BMPR1A: variants seen among roughly 807,000 people sequenced by gnomAD.
BMPR1A encodes bone morphogenetic protein receptor type-1A.
Under a neutral mutation model 66.0 loss-of-function variants are expected in BMPR1A, and 7 were observed. The ratio of observed to expected loss-of-function variants is 0.11; its 90% confidence interval spans 0.06 to 0.20. The LOEUF is 0.20. Ranked by LOEUF, BMPR1A falls within the 10% of genes least tolerant of loss-of-function variation. The pLI, the probability that BMPR1A is intolerant of heterozygous loss-of-function variation, is 1.00. For synonymous variants in BMPR1A, 200 were observed against 229.7 expected, an observed-to-expected ratio of 0.87 and a Z score of 1.17; for missense variants, 408 against 669.1, an observed-to-expected ratio of 0.61 and a Z score of 4.31.
intron 2 of BMPR1A, among the ~76,000 whole-genome samples, chr10:86,874,491 C>T (rs1464715788): frequency 2.0e-5 from 3 of 152,180 alleles, no homozygotes; most frequent in Non-Finnish European, 2.9e-5. Context: ...CTGCAAGCTT[C>T]GCTTACTGGG....
chr10:86,782,587 C>T (rs2132718181), intron 1 of BMPR1A, among the ~76,000 whole-genome samples: 1 of 151,896 alleles, frequency 6.6e-6, no homozygotes, highest in Admixed American at 6.6e-5. Flanking sequence ...GTGAGTTTTG[C>T]CGATGATTAG....
At chr10:86,881,322 G>C (rs1320664967) in intron 3 of BMPR1A, among the ~76,000 whole-genome samples, 1 of 152,140 alleles carries the variant, frequency 6.6e-6, no homozygotes, top group Non-Finnish European at 1.5e-5. Context: ...TAAATAGAGG[G>C]AGAAATCAAA....
intron 1 of BMPR1A, among the ~76,000 whole-genome samples, chr10:86,792,063 CTTTTTTT>C (rs35251758): frequency 1.2e-5 from 1 of 83,602 alleles, no homozygotes; most frequent in Non-Finnish European, 2.3e-5. Context: ...ACTGTCAGAT[CTTTTTTT>C]TTTTTTTTTT....
At chr10:86,916,913 A>C (rs1168975139) in intron 8 of BMPR1A, among the ~76,000 whole-genome samples, 1 of 151,956 alleles carries the variant, frequency 6.6e-6, no homozygotes, top group Non-Finnish European at 1.5e-5. Flanking sequence ...GAATCACTTG[A>C]ATCTAAAAGG....
intron 1 of BMPR1A, among the ~76,000 whole-genome samples, chr10:86,790,169 A>G: frequency 3.2e-5 from 1 of 30,878 alleles, no homozygotes; most frequent in African/African-American, 2.2e-4. Context: ...CTCCAAAAAA[A>G]AAAAAAAAAA....
intron 3 of BMPR1A, chr10:86,889,824 C>G: frequency 1.9e-6 from 1 of 518,636 alleles, no homozygotes. Flanking sequence ...TTGTCTTTCA[C>G]TAGTGCAAAA....
chr10:86,817,843 A>T (rs540485316), intron 1 of BMPR1A, among the ~76,000 whole-genome samples: 20 of 152,314 alleles, frequency 1.3e-4, no homozygotes, highest in African/African-American at 4.8e-4. Context: ...GAGAAAGAGA[A>T]CCCTTTCCAA....
chr10:86,844,048 G>T (rs1842454815), intron 2 of BMPR1A, among the ~76,000 whole-genome samples: 1 of 152,194 alleles, frequency 6.6e-6, no homozygotes, highest in African/African-American at 2.4e-5. Context: ...TGGGGATAAT[G>T]TTGGCCTCAT....
At chr10:86,860,856 T>A (rs1589750454) in intron 2 of BMPR1A, among the ~76,000 whole-genome samples, 1 of 150,796 alleles carries the variant, frequency 6.6e-6, no homozygotes, top group African/African-American at 2.4e-5. Context: ...TTTTTTTTTT[T>A]TTTGAGGCGG....
At chr10:86,778,007 CAAA>C (rs55951007) in intron 1 of BMPR1A, among the ~76,000 whole-genome samples, 2 of 114,244 alleles carry the variant, frequency 1.8e-5, no homozygotes, top group African/African-American at 3.8e-5. Context: ...GAGCGAAACT[CAAA>C]AAAAAAAAAA....
chr10:86,911,566 C>CA (rs1044042773), intron 7 of BMPR1A, among the ~76,000 whole-genome samples: 4 of 151,966 alleles, frequency 2.6e-5, no homozygotes, highest in African/African-American at 9.7e-5. Context: ...GGCAACATAG[C>CA]AAAACCCCAT....
intron 2 of BMPR1A, among the ~76,000 whole-genome samples, chr10:86,864,028 T>C (rs538215683): frequency 6.6e-6 from 1 of 152,358 alleles, no homozygotes; most frequent in South Asian, 2.1e-4. Context: ...AGAGATTTAA[T>C]AGTGTTGCCA....
intron 1 of BMPR1A, among the ~76,000 whole-genome samples, chr10:86,804,331 G>A (rs187660020): frequency 3.9e-5 from 6 of 152,110 alleles, no homozygotes; most frequent in Admixed American, 3.3e-4. Context: ...ACTCCACCTC[G>A]TGGGTTCAAG....
chr10:86,889,986 T>A (rs1205934158), intron 3 of BMPR1A, 76 bp from the exon 4 acceptor site: 1 of 1,525,540 alleles, frequency 6.6e-7, no homozygotes, highest in African/African-American at 1.4e-5. Context: ...TTAACAACTT[T>A]TTCTCATTGA....
chr10:86,825,920 G>A (rs1187200043), intron 1 of BMPR1A, among the ~76,000 whole-genome samples: 2 of 152,104 alleles, frequency 1.3e-5, no homozygotes, highest in African/African-American at 4.8e-5. Context: ...ATTAAACTTT[G>A]TGGTAGAATT....
chr10:86,774,963 A>G (rs758905774), intron 1 of BMPR1A, among the ~76,000 whole-genome samples: 1 of 152,224 alleles, frequency 6.6e-6, no homozygotes, highest in Non-Finnish European at 1.5e-5. Flanking sequence ...AGCAAACCCA[A>G]CGGGTAAAAT....
intron 1 of BMPR1A, among the ~76,000 whole-genome samples, chr10:86,791,504 A>G (rs1429646696): frequency 6.6e-6 from 1 of 150,446 alleles, no homozygotes; most frequent in Non-Finnish European, 1.5e-5. Flanking sequence ...GAGCCACCGC[A>G]CCCAGCCCTC....
intron 1 of BMPR1A, among the ~76,000 whole-genome samples, chr10:86,795,159 T>C (rs1387683311): frequency 6.6e-6 from 1 of 152,052 alleles, no homozygotes; most frequent in Non-Finnish European, 1.5e-5. Flanking sequence ...CCTATCTAGA[T>C]AATTTTTAAT....
At chr10:86,845,558 C>A (rs117512186) in intron 2 of BMPR1A, among the ~76,000 whole-genome samples, 8,448 of 152,254 alleles carry the variant, frequency 0.055, 294 homozygotes, top group South Asian at 0.11. Context: ...GACCTGCCCA[C>A]CAGAGCCACA....
Sources: allele counts gnomAD v4.1 joint callset (sites outside exome capture counted in the v4.1 genomes callset), GRCh38; gene constraint gnomAD v4.1.1; transcripts MANE v1.5; gene names NCBI Gene and HGNC (gene_info 2026-07-23, HGNC 2026-07-21).